Variants in STRN3 observed in about 807,000 individuals in gnomAD.
The protein encoded by STRN3 is striatin 3, also known as striatin-3.
STRN3 carries 29 observed loss-of-function variants against 95.6 expected under a neutral mutation model. The observed-to-expected ratio is 0.30, with a 90% CI of 0.23 to 0.41. The LOEUF (loss-of-function observed/expected upper bound fraction) is 0.41, where lower values mean the gene tolerates loss of function less well. Ranked by LOEUF, STRN3 falls within the 10% of genes least tolerant of loss-of-function variation. The probability of loss-of-function intolerance (pLI) is 1.00; values close to 1 mark genes in which losing one functional copy is unlikely to be tolerated. For synonymous variants in STRN3, 331 were observed against 357.6 expected (o/e 0.93, Z 0.84); for missense variants, 890 against 972.1 (o/e 0.92, Z 1.12).
rs1037892104 is a variant in STRN3, at chr14:30,950,736, C to CA, written c.542+126dup. 3.1e-5 allele frequency: 26 copies of CA among 835,574 alleles called. No homozygotes were observed. In the South Asian group the frequency reaches 3.4e-4, roughly 11 times the overall value. 51.8% of individuals were successfully genotyped at this position (835,574 alleles called of 1,614,324 possible). On this transcript the variant is annotated intron_variant, in intron 4 of 17. Transcript: ENST00000357479. The stretch of plus-strand genomic sequence containing the variant: ...TAAAAAGATCCAAGCATCTACACAG[C>CA]AAAAAAAGCAGCAATACAAAAAACA...
chr14:30,923,927 G>A (rs973756641), intron 8 of STRN3, among the ~76,000 whole-genome samples: 14 of 151,862 alleles, frequency 9.2e-5, no homozygotes, highest in African/African-American at 3.4e-4. Context: ...TTTTTACTAA[G>A]ATATAAAATA....
At position 30,929,319 on chromosome 14, in the gene STRN3, C is replaced by T. The variant is rs755058862; in HGVS notation, c.989-8G>A. 2.8e-5 allele frequency: 45 copies of T among 1,608,476 alleles called. No individual in the cohort carries two copies. The South Asian group carries it at 4.8e-4, about 17-fold the overall frequency. The stretch of plus-strand genomic sequence containing the variant: ...GGGAGAGGTCATCTTTATCTACATG[C>T]AGCATATTATTAAAAGAAAAAAAAT... On this transcript the variant is annotated splice_region_variant and splice_polypyrimidine_tract_variant and intron_variant, in intron 7 of 17. Coordinates refer to ENST00000357479, the MANE Select transcript of STRN3 (RefSeq NM_001083893.2).
At chr14:30,953,665 TG>T (rs1309102108) in intron 3 of STRN3, among the ~76,000 whole-genome samples, 1 of 152,210 alleles carries the variant, frequency 6.6e-6, no homozygotes, top group South Asian at 2.1e-4. Flanking sequence ...GGTCTCACTT[TG>T]TCATCCAAGA....
At chr14:30,967,158 T>C (rs1282112352) in intron 1 of STRN3, among the ~76,000 whole-genome samples, 3 of 139,806 alleles carry the variant, frequency 2.1e-5, no homozygotes, top group Non-Finnish European at 4.6e-5. Flanking sequence ...CCTTTCTTCT[T>C]GGGTATTAGA....
At chr14:31,013,639 G>C (rs1438522467) in intron 1 of STRN3, among the ~76,000 whole-genome samples, 3 of 151,614 alleles carry the variant, frequency 2.0e-5, no homozygotes, top group African/African-American at 7.3e-5. Flanking sequence ...CTTTTACCAG[G>C]CTGAAGAGCA....
intron 1 of STRN3, among the ~76,000 whole-genome samples, chr14:30,958,137 A>C (rs1424922876): frequency 6.6e-6 from 1 of 152,164 alleles, no homozygotes; most frequent in Non-Finnish European, 1.5e-5. Context: ...AGACAGCGAG[A>C]CCCTGTTTGT....
intron 1 of STRN3, among the ~76,000 whole-genome samples, chr14:30,961,538 C>T (rs1211466272): frequency 6.6e-6 from 1 of 152,208 alleles, no homozygotes; most frequent in Non-Finnish European, 1.5e-5. Flanking sequence ...TGGTTATAAA[C>T]AAATCTACTG....
chr14:30,987,865 G>A (rs1881773175), intron 1 of STRN3, among the ~76,000 whole-genome samples: 1 of 151,950 alleles, frequency 6.6e-6, no homozygotes, highest in Admixed American at 6.6e-5. Flanking sequence ...AGCCTCCCAA[G>A]TAGCTGGGAT....
chr14:30,919,337 TTAC>T (rs1896822472), intron 8 of STRN3, among the ~76,000 whole-genome samples: 2 of 146,168 alleles, frequency 1.4e-5, no homozygotes, highest in African/African-American at 5.5e-5. Flanking sequence ...CATATCTATA[TTAC>T]ATATATGTCT....
At chr14:30,950,552 A>C (rs1879587855) in intron 4 of STRN3, among the ~76,000 whole-genome samples, 1 of 152,194 alleles carries the variant, frequency 6.6e-6, no homozygotes, top group Non-Finnish European at 1.5e-5. Context: ...ACCCACACTG[A>C]AAAGAAATGT....
chr14:30,990,402 T>G (rs962664231), intron 1 of STRN3, among the ~76,000 whole-genome samples: 2 of 151,960 alleles, frequency 1.3e-5, no homozygotes, highest in Non-Finnish European at 2.9e-5. Context: ...TCTCCTGATC[T>G]CATGATCCGC....
intron 4 of STRN3, among the ~76,000 whole-genome samples, chr14:30,950,471 G>GA (rs1402217633): frequency 6.6e-6 from 1 of 152,140 alleles, no homozygotes; most frequent in Non-Finnish European, 1.5e-5. Flanking sequence ...TCAACTGAAA[G>GA]GAAGATTTGG....
chr14:30,924,476 G>A (rs556714535), intron 8 of STRN3, among the ~76,000 whole-genome samples: 31 of 151,840 alleles, frequency 2.0e-4, no homozygotes, highest in Admixed American at 1.9e-3. Context: ...ATTTTTAGTA[G>A]AGACAAGGTC....
intron 1 of STRN3, among the ~76,000 whole-genome samples, chr14:31,004,782 A>G (rs1882639925): frequency 6.6e-6 from 1 of 152,090 alleles, no homozygotes. Context: ...TTGAAAAAAA[A>G]AATTTTTTTT....
chr14:30,933,144 G>A, intron 7 of STRN3, among the ~76,000 whole-genome samples: 1 of 151,734 alleles, frequency 6.6e-6, no homozygotes, highest in East Asian at 1.9e-4. Context: ...AGCCAGGTGT[G>A]GTCACACGCC....
In STRN3 at chr14:30,905,577, C is replaced by T. The variant is rs761049612; in HGVS notation, c.1889-19G>A. The T allele has an allele frequency of 1.3e-6, 2 of 1,581,562 alleles. No individual in the cohort carries two copies. Among genetic ancestry groups the T allele is most frequent in the East Asian group, 2.3e-5 (1 of 43,592 alleles). On this transcript the variant is annotated intron_variant, in intron 14 of 17. Transcript: ENST00000357479. ...CCATGCTCTGAAATGAGCCCAAAGA[C>T]AGACAATGTAAACAAAGTAAAATTA...
At chr14:30,951,836 G>C (rs1879655443) in intron 3 of STRN3, among the ~76,000 whole-genome samples, 1 of 152,124 alleles carries the variant, frequency 6.6e-6, no homozygotes, top group African/African-American at 2.4e-5. Flanking sequence ...AAAGAGATTA[G>C]GCCAGATGCA....
intron 1 of STRN3, among the ~76,000 whole-genome samples, chr14:31,017,918 A>G (rs1305121954): frequency 6.6e-6 from 1 of 151,962 alleles, no homozygotes; most frequent in Non-Finnish European, 1.5e-5. Flanking sequence ...TCTACTAAAA[A>G]TACAAAATAA....
At chr14:30,926,109 T>C (rs967749535) in intron 8 of STRN3, among the ~76,000 whole-genome samples, 2 of 152,088 alleles carry the variant, frequency 1.3e-5, no homozygotes, top group African/African-American at 4.8e-5. Flanking sequence ...CTGAATTCTG[T>C]ATTAAAGAGT....
Sources: gnomAD v4.1 joint callset for allele counts (sites outside exome capture counted in the v4.1 genomes callset) on GRCh38, gnomAD v4.1.1 for gene constraint, MANE v1.5 for transcripts, NCBI Gene and HGNC (gene_info 2026-07-23, HGNC 2026-07-21) for gene names.